The following OR56B2 variants were observed in gnomAD, a reference collection of about 807,000 sequenced individuals.
OR56B2 encodes olfactory receptor family 56 subfamily B member 2.
At chr11:5,768,933 T>C in the OR56B2 span, among the ~76,000 whole-genome samples, 29 of 139,266 alleles carry the variant, frequency 2.1e-4, 5 homozygotes, top group African/African-American at 7.3e-4. Context: ...AAAGTATATA[T>C]AGAAATTGTA....
chr11:5,761,467 T>C, the OR56B2 span, among the ~76,000 whole-genome samples: 2 of 152,190 alleles, frequency 1.3e-5, no homozygotes, highest in African/African-American at 4.8e-5. Flanking sequence ...CACTATGTCT[T>C]AATATGTAAA....
At chr11:5,768,720 T>A in the OR56B2 span, among the ~76,000 whole-genome samples, 1 of 139,958 alleles carries the variant, frequency 7.1e-6, no homozygotes, top group African/African-American at 2.6e-5. Context: ...TCTACATGTA[T>A]ATTTGTTATA....
At chr11:5,761,565 G>A in the OR56B2 span, among the ~76,000 whole-genome samples, 7 of 151,932 alleles carry the variant, frequency 4.6e-5, no homozygotes, top group African/African-American at 1.7e-4. Context: ...TAGATACTTT[G>A]GAGCTTTGTA....
At chr11:5,762,440 G>T in the OR56B2 span, among the ~76,000 whole-genome samples, 1 of 151,868 alleles carries the variant, frequency 6.6e-6, no homozygotes, top group Non-Finnish European at 1.5e-5. Flanking sequence ...TGAAATTTAT[G>T]ATATTCTTTG....
chr11:5,763,169 C>T, the OR56B2 span, among the ~76,000 whole-genome samples: 1 of 151,748 alleles, frequency 6.6e-6, no homozygotes, highest in Admixed American at 6.6e-5. Context: ...ATATGAATTA[C>T]CTCTTTCATG....
the OR56B2 span, chr11:5,766,107 A>G: frequency 7.1e-6 from 1 of 140,490 alleles, no homozygotes; most frequent in Non-Finnish European, 1.6e-5. Flanking sequence ...ACATGTTTTT[A>G]TATCATATTC....
At chr11:5,768,652 G>A in the OR56B2 span, among the ~76,000 whole-genome samples, 1 of 139,552 alleles carries the variant, frequency 7.2e-6, no homozygotes, top group Non-Finnish European at 1.6e-5. Flanking sequence ...GTTTTCCATA[G>A]AGGTCGTACT....
At chr11:5,763,628 G>A in the OR56B2 span, among the ~76,000 whole-genome samples, 9 of 139,884 alleles carry the variant, frequency 6.4e-5, 4 homozygotes, top group African/African-American at 1.8e-4. Context: ...TATTTTTAAC[G>A]TGCTTATATG....
the OR56B2 span, among the ~76,000 whole-genome samples, chr11:5,763,648 C>T: frequency 7.1e-6 from 1 of 139,958 alleles, no homozygotes; most frequent in African/African-American, 2.6e-5. Flanking sequence ...GTCAATAGCC[C>T]TAACCTCCTC....
chr11:5,764,319 G>A, the OR56B2 span, among the ~76,000 whole-genome samples: 811 of 141,098 alleles, frequency 5.7e-3, 143 homozygotes, highest in Non-Finnish European at 0.01. Flanking sequence ...GTGCATGTGC[G>A]TGCATGTTTT....
the OR56B2 span, chr11:5,766,007 G>A: frequency 7.1e-6 from 1 of 140,486 alleles, no homozygotes; most frequent in African/African-American, 2.6e-5. Context: ...TCAAGAACAA[G>A]GAACTCAGGC....
chr11:5,767,160 CAT>C, the OR56B2 span: 2 of 139,680 alleles, frequency 1.4e-5, 1 homozygote, highest in East Asian at 4.1e-4. Flanking sequence ...GGAAAACAGA[CAT>C]GTGCAAAGAG....
At chr11:5,765,485 A>G in the OR56B2 span, 4 of 140,596 alleles carry the variant, frequency 2.8e-5, 2 homozygotes, top group Non-Finnish European at 3.2e-5. Flanking sequence ...CTATTGATAG[A>G]TATGTAGCCA....
the OR56B2 span, among the ~76,000 whole-genome samples, chr11:5,768,543 A>T: frequency 7.2e-6 from 1 of 139,790 alleles, no homozygotes; most frequent in Admixed American, 7.4e-5. Context: ...AAGTGTAATT[A>T]TTTTAAATGC....
the OR56B2 span, chr11:5,765,724 T>A: frequency 7.1e-6 from 1 of 140,324 alleles, no homozygotes; most frequent in African/African-American, 2.6e-5. Flanking sequence ...CAGGTCCTTT[T>A]GGCTTGGACA....
chr11:5,761,440 G>A, the OR56B2 span, among the ~76,000 whole-genome samples: 1 of 152,024 alleles, frequency 6.6e-6, no homozygotes. Flanking sequence ...ACAACAAAAT[G>A]TTAGATATTT....
At chr11:5,763,495 G>A in the OR56B2 span, among the ~76,000 whole-genome samples, 82,706 of 137,306 alleles carry the variant, frequency 0.6, 31,888 homozygotes, top group Non-Finnish European at 0.73. Context: ...TGTATTTTCA[G>A]TAGGGACGGA....
the OR56B2 span, among the ~76,000 whole-genome samples, chr11:5,767,831 T>A: frequency 1.4e-5 from 2 of 139,338 alleles, no homozygotes; most frequent in Non-Finnish European, 3.2e-5. Context: ...TAGTATCTGA[T>A]TCCATTTGTA....
the OR56B2 span, among the ~76,000 whole-genome samples, chr11:5,768,957 G>A: frequency 7.2e-6 from 1 of 138,588 alleles, no homozygotes; most frequent in African/African-American, 2.6e-5. Flanking sequence ...AAAAGAAAAA[G>A]TATCAGAAGT....
Sources: allele counts gnomAD v4.1 joint callset (sites outside exome capture counted in the v4.1 genomes callset), GRCh38; gene constraint gnomAD v4.1.1; transcripts MANE v1.5; gene names NCBI Gene and HGNC (gene_info 2026-07-23, HGNC 2026-07-21).